The following STAC variants were observed in gnomAD, a reference collection of about 807,000 sequenced individuals.
The protein encoded by STAC is SH3 and cysteine rich domain.
In STAC, 43 loss-of-function variants were observed where a neutral mutation model predicts 48.8. That is an observed-to-expected ratio of 0.88 (90% CI 0.69 to 1.14). The LOEUF is 1.14. Ranked by LOEUF, STAC falls within the 50% of genes most tolerant of loss-of-function variation. STAC has a pLI of 0.00. For missense variants in STAC, 497 were observed against 504.0 expected (o/e 0.99, Z 0.13); for synonymous variants, 193 against 179.5 (o/e 1.07, Z -0.60).
At chr3:36,529,904 G>A (rs1014221290) in intron 10 of STAC, among the ~76,000 whole-genome samples, 4 of 152,054 alleles carry the variant, frequency 2.6e-5, no homozygotes, top group Non-Finnish European at 2.9e-5. Flanking sequence ...GGCAGATCAC[G>A]AGGTCAAGAG....
chr3:36,483,173 A>G, intron 3 of STAC, 81 bp downstream of exon 3: 1 of 1,088,920 alleles, frequency 9.2e-7, no homozygotes, highest in Non-Finnish European at 1.4e-6. Context: ...CCCCTCCAAA[A>G]TCCTTCCCTG....
chr3:36,381,845 T>C (rs893835332), intron 1 of STAC, among the ~76,000 whole-genome samples: 2 of 152,198 alleles, frequency 1.3e-5, no homozygotes, highest in African/African-American at 4.8e-5. Context: ...GATGGTAATC[T>C]AAGCCCGAAA....
intron 1 of STAC, among the ~76,000 whole-genome samples, chr3:36,442,618 G>A (rs1305019495): frequency 6.6e-6 from 1 of 152,096 alleles, no homozygotes; most frequent in Non-Finnish European, 1.5e-5. Flanking sequence ...CTGTTTTGGT[G>A]CTTTTTTATA....
chr3:36,426,889 G>T (rs1006246119), intron 1 of STAC, among the ~76,000 whole-genome samples: 1 of 152,036 alleles, frequency 6.6e-6, no homozygotes, highest in Non-Finnish European at 1.5e-5. Context: ...AGGTCTCATG[G>T]CTTTCATTGT....
intron 2 of STAC, among the ~76,000 whole-genome samples, chr3:36,467,748 A>T (rs1483174016): frequency 2.3e-4 from 35 of 152,052 alleles, no homozygotes; most frequent in Admixed American, 2.3e-3. Flanking sequence ...TAATCTCGCT[A>T]ATGCTCTATC....
At chr3:36,516,544 T>C (rs974329402) in intron 8 of STAC, among the ~76,000 whole-genome samples, 10 of 152,190 alleles carry the variant, frequency 6.6e-5, no homozygotes, top group Non-Finnish European at 1.2e-4. Context: ...ACTTCCTTTA[T>C]AAATTAATTT....
At chr3:36,464,163 C>T (rs1202700588) in intron 2 of STAC, among the ~76,000 whole-genome samples, 2 of 152,202 alleles carry the variant, frequency 1.3e-5, no homozygotes, top group Admixed American at 1.3e-4. Flanking sequence ...TATTTATGCA[C>T]ATCCTCTCCA....
At chr3:36,382,064 TAAAG>T (rs994133531) in intron 1 of STAC, among the ~76,000 whole-genome samples, 5 of 152,202 alleles carry the variant, frequency 3.3e-5, no homozygotes, top group African/African-American at 1.2e-4. Context: ...CTTCCTGAGA[TAAAG>T]AGATGGAATC....
intron 2 of STAC, among the ~76,000 whole-genome samples, chr3:36,455,794 T>C (rs771982357): frequency 2.0e-5 from 3 of 151,864 alleles, no homozygotes; most frequent in Non-Finnish European, 4.4e-5. Context: ...TGTGTCTACA[T>C]TGTGACCCAC....
chr3:36,482,980 TGTA>T lies in STAC; in HGVS notation c.389-11_389-9del, dbSNP rs1559508500. 1 of 1,610,054 alleles carries T rather than the reference TGTA, an allele frequency of 6.2e-7. No individual in the cohort carries two copies. The highest frequency in any genetic ancestry group is 1.1e-5 in the South Asian group (1 of 90,910). On this transcript the variant is annotated splice_polypyrimidine_tract_variant and intron_variant, in intron 2 of 10. Transcript: ENST00000273183. ...GTTGTATCCTAACCAAAGTTTGCCA[TGTA>T]CCTGACAGGAACAAATGCTAAGCAT...
chr3:36,424,705 A>T (rs1042659602), intron 1 of STAC, among the ~76,000 whole-genome samples: 7 of 152,274 alleles, frequency 4.6e-5, no homozygotes, highest in Admixed American at 4.6e-4. Flanking sequence ...AAGTGTTCAA[A>T]ACTGACTGGG....
chr3:36,503,815 T>C (rs990257074), intron 6 of STAC, among the ~76,000 whole-genome samples: 1 of 151,956 alleles, frequency 6.6e-6, no homozygotes, highest in African/African-American at 2.4e-5. Context: ...AAATTATACT[T>C]CCCAAGAATA....
At chr3:36,455,550 A>C (rs999453526) in intron 2 of STAC, among the ~76,000 whole-genome samples, 5 of 152,226 alleles carry the variant, frequency 3.3e-5, no homozygotes, top group Non-Finnish European at 7.3e-5. Context: ...CTGCAGCTAT[A>C]AACACAAAGA....
intron 1 of STAC, 70 bp downstream of exon 1, chr3:36,380,824 T>C: frequency 1.6e-6 from 2 of 1,239,506 alleles, no homozygotes; most frequent in Non-Finnish European, 2.3e-6. Context: ...GCTTTGTCTC[T>C]CCTCCTATCT....
chr3:36,406,152 C>A (rs1700084418), intron 1 of STAC, among the ~76,000 whole-genome samples: 1 of 152,216 alleles, frequency 6.6e-6, no homozygotes, highest in South Asian at 2.1e-4. Context: ...CCCTCAGCCC[C>A]CTCCCCACCC....
Position 36,486,183 on chromosome 3 carries a change from C to A in STAC, c.621C>A (p.Thr207=). Residue 207 remains threonine (T), a synonymous_variant, in exon 5 of 11, where the codon ACC becomes ACA. Coordinates refer to ENST00000273183, the MANE Select transcript of STAC (RefSeq NM_003149.3). ...DPVYETLRFG[T]SLAQRTKKGS... is the part of the protein sequence containing the mutation. ...TCTACGAGACCCTCCGCTTCGGCACCTCCCTGGCCCAGAGGACAAAGAAGG... is the reference window on the plus strand; with the variant it reads ...TCTACGAGACCCTCCGCTTCGGCACATCCCTGGCCCAGAGGACAAAGAAGG... 1 of 1,614,014 alleles carries A rather than the reference C, an allele frequency of 6.2e-7. No individual in the cohort carries two copies.
intron 1 of STAC, among the ~76,000 whole-genome samples, chr3:36,424,746 C>T (rs1206055564): frequency 6.6e-6 from 1 of 151,950 alleles, no homozygotes; most frequent in African/African-American, 2.4e-5. Flanking sequence ...GATGTAGGTA[C>T]CAACTAAAAG....
rs1559533730 is a variant in STAC at position 36,546,377 on chromosome 3, C to T, written c.*88C>T. On this transcript the variant is annotated 3_prime_UTR_variant, in exon 11 of 11. Transcript: ENST00000273183. Reference sequence around the variant, plus strand: ...CACTGCGTCAACCCAAAGGAGCTGCCGCACTGACCCAGCCCCCCAGGAAAC... The same window carrying T: ...CACTGCGTCAACCCAAAGGAGCTGCTGCACTGACCCAGCCCCCCAGGAAAC... 24 of 1,116,424 alleles carry T rather than the reference C, an allele frequency of 2.1e-5. No homozygotes were observed. Among genetic ancestry groups the T allele is most frequent in the Admixed American group, 8.9e-5 (5 of 56,056 alleles). The allele number at this position is 1,116,424 out of a possible 1,614,324, so 69.2% of individuals were successfully genotyped here.
At chr3:36,445,907 C>T (rs1339375129) in intron 2 of STAC, among the ~76,000 whole-genome samples, 2 of 152,178 alleles carry the variant, frequency 1.3e-5, no homozygotes, top group African/African-American at 4.8e-5. Context: ...TGACACCCTC[C>T]GTGTACACTC....
Sources: allele counts gnomAD v4.1 joint callset (sites outside exome capture counted in the v4.1 genomes callset), GRCh38; gene constraint gnomAD v4.1.1; transcripts MANE v1.5; gene names NCBI Gene and HGNC (gene_info 2026-07-23, HGNC 2026-07-21).